SYCP1: variants seen among roughly 807,000 people sequenced by gnomAD.
SYCP1 encodes the protein synaptonemal complex protein 1.
In SYCP1, 64 loss-of-function variants were observed where a neutral mutation model predicts 153.1. The ratio of observed to expected loss-of-function variants is 0.42; its 90% CI spans 0.34 to 0.51. The LOEUF is 0.51. Ranked by LOEUF, SYCP1 falls within the 20% of genes least tolerant of loss-of-function variation. SYCP1 has a pLI of 0.06. For synonymous variants in SYCP1, 384 were observed against 341.8 expected (o/e 1.12, Z -1.36); for missense variants, 997 against 1,049.0 (o/e 0.95, Z 0.68).
chr1:114,859,413 T>C (rs182963303), intron 6 of SYCP1, among the ~76,000 whole-genome samples: 2 of 152,186 alleles, frequency 1.3e-5, no homozygotes, highest in Admixed American at 1.3e-4. Context: ...ATCTGTAGCA[T>C]AAAGTGAAAA....
At chr1:114,887,571 G>C (rs1377116295) in intron 14 of SYCP1, 55 bp from the exon 15 acceptor site, 2 of 1,204,050 alleles carry the variant, frequency 1.7e-6, no homozygotes, top group Non-Finnish European at 1.2e-6. Flanking sequence ...TTTTAGTTAT[G>C]AGATGAATTC....
intron 17 of SYCP1, among the ~76,000 whole-genome samples, 197 bp downstream of exon 17, chr1:114,910,698 G>C (rs2101668967): frequency 6.6e-6 from 1 of 152,208 alleles, no homozygotes; most frequent in East Asian, 1.9e-4. Context: ...AGAAAGATCA[G>C]CATTTAAAAG....
chr1:114,944,614 A>G (rs1670575236), intron 24 of SYCP1, among the ~76,000 whole-genome samples, 159 bp downstream of exon 24: 1 of 151,850 alleles, frequency 6.6e-6, no homozygotes, highest in African/African-American at 2.4e-5. Flanking sequence ...TTTTATAGAA[A>G]CTAAAAGTAT....
intron 14 of SYCP1, 146 bp from the exon 15 acceptor site, chr1:114,887,480 G>A (rs1235228789): frequency 2.3e-6 from 1 of 441,810 alleles, no homozygotes; most frequent in Non-Finnish European, 4.1e-6. Flanking sequence ...ACTATATGGT[G>A]CAGAGTAGGT....
intron 23 of SYCP1, among the ~76,000 whole-genome samples, chr1:114,927,565 G>A (rs1280971279): frequency 6.6e-6 from 1 of 152,092 alleles, no homozygotes. Context: ...GGAAGTTTTA[G>A]AACTGAAAAG....
intron 27 of SYCP1, among the ~76,000 whole-genome samples, chr1:114,971,147 G>A (rs1672464632): frequency 6.6e-6 from 1 of 152,156 alleles, no homozygotes; most frequent in Admixed American, 6.5e-5. Flanking sequence ...CTCAGGTAAT[G>A]GGCAGAGCCA....
rs1373879885 is a variant in SYCP1 at position 114,913,091 on chromosome 1, C to T, written c.1588C>T (p.Leu530Phe). ...CAAGCTTTCACTAGAAAACAAAGAGCTCACACAGGAAACAAGTGATATGAC... is the reference window on the plus strand; with the variant it reads ...CAAGCTTTCACTAGAAAACAAAGAGTTCACACAGGAAACAAGTGATATGAC... ...CNKLSLENKE[L>F]TQETSDMTLE... Residue 530 changes from leucine (L) to phenylalanine (F), a missense_variant, in exon 19 of 32, where the codon CTC (leucine) becomes TTC (phenylalanine). Physicochemically the swap from Leu to Phe is conservative, Grantham distance 22. This residue lies in a region of SYCP1 where 712 missense variants were observed against 682.9 expected (regional missense o/e 1.04). Transcript: ENST00000369522. 8.1e-6 allele frequency: 13 copies of T among 1,612,422 alleles called. No individual in the cohort carries two copies. The highest frequency in any genetic ancestry group is 4.4e-5 in the South Asian group (4 of 90,956).
intron 27 of SYCP1, among the ~76,000 whole-genome samples, chr1:114,957,987 T>A (rs1418775605): frequency 1.3e-5 from 2 of 152,210 alleles, no homozygotes; most frequent in African/African-American, 2.4e-5. Flanking sequence ...TAAATTCCCA[T>A]GTTTACTGTA....
intron 27 of SYCP1, among the ~76,000 whole-genome samples, chr1:114,953,064 C>T (rs947447168): frequency 4.6e-5 from 7 of 152,166 alleles, no homozygotes; most frequent in South Asian, 2.1e-4. Flanking sequence ...CAAAGAATAA[C>T]AAGAGGGCCA....
chr1:114,912,942 C>T (rs1668276724), intron 18 of SYCP1, 91 bp from the exon 19 acceptor site: 2 of 839,308 alleles, frequency 2.4e-6, no homozygotes, highest in Admixed American at 2.7e-5. Context: ...AGCCCTTCAT[C>T]CCTTTCCCCT....
chr1:114,885,485 T>G, intron 12 of SYCP1, 50 bp from the exon 13 acceptor site: 1 of 1,053,446 alleles, frequency 9.5e-7, no homozygotes, highest in Non-Finnish European at 1.4e-6. Context: ...TTAGTTTTCT[T>G]GGTATATATC....
rs73004461 is a variant in SYCP1, at chr1:114,944,041, C to T, written c.1927-298C>T. 6.8e-3 allele frequency among the ~76,000 whole-genome samples: 1,035 copies of T among 151,640 alleles called. 7 individuals carry two copies. The highest frequency in any genetic ancestry group is 0.024 in the African/African-American group (975 of 41,428). On this transcript the variant is annotated intron_variant, in intron 23 of 31. Transcript: ENST00000369522. Reference sequence around the variant, plus strand: ...AATGGAAATACTTATTCTAATAAAGCGTATTAAACTGAGTGAGAGTAACCA... The same window carrying T: ...AATGGAAATACTTATTCTAATAAAGTGTATTAAACTGAGTGAGAGTAACCA...
intron 17 of SYCP1, 59 bp from the exon 18 acceptor site, chr1:114,911,420 C>T (rs1384117626): frequency 1.3e-5 from 17 of 1,346,778 alleles, no homozygotes; most frequent in African/African-American, 4.6e-5. Flanking sequence ...AGTGACTATA[C>T]CTTTTAAATG....
intron 16 of SYCP1, among the ~76,000 whole-genome samples, chr1:114,898,510 G>A (rs781253082): frequency 6.6e-6 from 1 of 152,024 alleles, no homozygotes; most frequent in Non-Finnish European, 1.5e-5. Context: ...TCTTCCTTCT[G>A]AGCCACATCT....
chr1:114,918,284 A>G (rs571093775), intron 20 of SYCP1, among the ~76,000 whole-genome samples: 2 of 152,222 alleles, frequency 1.3e-5, no homozygotes, highest in South Asian at 4.1e-4. Flanking sequence ...ACCTTTGTCA[A>G]AAATGAGTTC....
At chr1:114,862,923 T>C (rs1349039474) in intron 8 of SYCP1, 1 of 152,188 alleles carries the variant, frequency 6.6e-6, no homozygotes, top group African/African-American at 2.4e-5. Context: ...GCCTGCTATG[T>C]CATGAAATCT....
intron 20 of SYCP1, among the ~76,000 whole-genome samples, chr1:114,921,020 GTTAT>G (rs1668832332): frequency 6.6e-6 from 1 of 151,850 alleles, no homozygotes; most frequent in South Asian, 2.1e-4. Context: ...TAGCCATTTC[GTTAT>G]TTGTTTTCTG....
intron 27 of SYCP1, among the ~76,000 whole-genome samples, chr1:114,967,183 A>C (rs904686487): frequency 6.6e-6 from 1 of 152,154 alleles, no homozygotes; most frequent in Non-Finnish European, 1.5e-5. Flanking sequence ...GTAGATGTCT[A>C]TTAGGTCTGT....
chr1:114,878,249 T>C, intron 12 of SYCP1, 47 bp downstream of exon 12: 1 of 1,173,432 alleles, frequency 8.5e-7, no homozygotes, highest in East Asian at 2.4e-5. Flanking sequence ...GTATTCCTCT[T>C]GTTATGTTCT....
Sources: allele counts gnomAD v4.1 joint callset (sites outside exome capture counted in the v4.1 genomes callset), GRCh38; gene constraint gnomAD v4.1.1; regional missense constraint gnomAD v4.1.1; transcripts MANE v1.5; gene names NCBI Gene and HGNC (gene_info 2026-07-23, HGNC 2026-07-21).